The following WBP1L variants were observed in gnomAD, a reference collection of about 807,000 sequenced individuals.
WBP1L encodes WW domain binding protein 1-like.
WBP1L carries 17 observed loss-of-function variants against 33.7 expected under a neutral mutation model. The observed-to-expected ratio is 0.50, with a 90% CI of 0.34 to 0.76. The LOEUF is 0.76. WBP1L is among the 30% of genes least tolerant of loss of function. WBP1L has a pLI of 0.01. For missense variants in WBP1L, 389 were observed against 469.4 expected, an observed-to-expected ratio of 0.83 and a Z score of 1.58; for synonymous variants, 173 against 190.8, an observed-to-expected ratio of 0.91 and a Z score of 0.77.
chr10:102,770,192 T>C (rs1043452402), intron 1 of WBP1L, among the ~76,000 whole-genome samples: 6 of 152,228 alleles, frequency 3.9e-5, no homozygotes, highest in Non-Finnish European at 7.3e-5. Context: ...GATGTCTCAG[T>C]TTAACTTTTG....
intron 1 of WBP1L, among the ~76,000 whole-genome samples, chr10:102,785,156 G>T (rs1704848709): frequency 6.6e-6 from 1 of 150,558 alleles, no homozygotes; most frequent in African/African-American, 2.4e-5. Flanking sequence ...TTACAGGCGT[G>T]AGCCACTGCG....
intron 1 of WBP1L, among the ~76,000 whole-genome samples, chr10:102,756,943 A>G (rs528326444): frequency 1.3e-5 from 2 of 152,086 alleles, no homozygotes; most frequent in African/African-American, 4.8e-5. Context: ...GCTGGAGTGC[A>G]GTGGCACAAT....
intron 1 of WBP1L, among the ~76,000 whole-genome samples, chr10:102,775,905 T>A (rs1843254903): frequency 6.6e-6 from 1 of 152,130 alleles, no homozygotes; most frequent in Admixed American, 6.6e-5. Flanking sequence ...TGTTTTCAGC[T>A]TTAGAGACTT....
At chr10:102,759,182 G>C (rs1473594451) in intron 1 of WBP1L, among the ~76,000 whole-genome samples, 2 of 152,024 alleles carry the variant, frequency 1.3e-5, no homozygotes, top group African/African-American at 2.4e-5. Flanking sequence ...GCTAAGTAAC[G>C]GGTGCCTTCC....
At chr10:102,774,851 T>A (rs1239653469) in intron 1 of WBP1L, among the ~76,000 whole-genome samples, 2 of 152,080 alleles carry the variant, frequency 1.3e-5, no homozygotes, top group Admixed American at 6.6e-5. Flanking sequence ...GAAAAGTAAC[T>A]TTTTGTAATC....
chr10:102,749,094 C>T (rs1842898123), intron 1 of WBP1L, among the ~76,000 whole-genome samples: 1 of 152,134 alleles, frequency 6.6e-6, no homozygotes, highest in Admixed American at 6.5e-5. Context: ...TCTAAGGCTG[C>T]ACCATCCAGT....
Position 102,757,569 on chromosome 10 carries a change from C to CTTTTTT in WBP1L, c.90+13444_90+13449dup, listed in dbSNP as rs60213859. 6.6e-3 allele frequency among the ~76,000 whole-genome samples: 583 copies of CTTTTTT among 88,782 alleles called. 4 individuals are homozygous for CTTTTTT. Among genetic ancestry groups the CTTTTTT allele is most frequent in the African/African-American group, 0.013 (273 of 21,806 alleles). 58.2% of individuals were successfully genotyped at this position (88,782 alleles called of 152,430 possible). ...TCTCAGGGGAAGATGGTTTCTGAGC[C>CTTTTTT]TTTTTTTTTTTTTTTTTTTTTTTGT... On this transcript the variant is annotated intron_variant, in intron 1 of 3. Coordinates refer to ENST00000448841, the MANE Select transcript of WBP1L (RefSeq NM_001083913.2).
At chr10:102,753,441 G>C (rs1842943384) in intron 1 of WBP1L, among the ~76,000 whole-genome samples, 2 of 152,188 alleles carry the variant, frequency 1.3e-5, no homozygotes, top group Admixed American at 6.5e-5. Context: ...CAAGAAGGGG[G>C]AAACAAATCC....
At chr10:102,773,869 A>C (rs951498572) in intron 1 of WBP1L, among the ~76,000 whole-genome samples, 23 of 152,048 alleles carry the variant, frequency 1.5e-4, no homozygotes, top group Non-Finnish European at 4.4e-5. Context: ...CAAAACAAAA[A>C]AAAAAAAGGA....
chr10:102,785,205 CAG>C (rs1169758260), intron 1 of WBP1L, among the ~76,000 whole-genome samples: 2 of 100,926 alleles, frequency 2.0e-5, no homozygotes, highest in African/African-American at 3.8e-5. Flanking sequence ...TTTTTTGAGA[CAG>C]AGTTTCGATC....
intron 3 of WBP1L, among the ~76,000 whole-genome samples, chr10:102,811,128 C>G (rs949506176): frequency 6.6e-6 from 1 of 151,964 alleles, no homozygotes; most frequent in African/African-American, 2.4e-5. Context: ...AATTGTGGGC[C>G]GGGCTCAGTG....
intron 2 of WBP1L, among the ~76,000 whole-genome samples, chr10:102,804,366 T>G (rs1159652953): frequency 7.7e-6 from 1 of 129,394 alleles, no homozygotes; most frequent in Non-Finnish European, 1.6e-5. Flanking sequence ...CCAGCCTGGG[T>G]GACAGAGCAA....
chr10:102,799,596 C>T (rs755486754), intron 2 of WBP1L, among the ~76,000 whole-genome samples: 5 of 152,090 alleles, frequency 3.3e-5, no homozygotes, highest in Admixed American at 6.6e-5. Flanking sequence ...CTGACATTGC[C>T]GTAGTTCTTA....
chr10:102,764,294 T>G (rs1843081586), intron 1 of WBP1L, among the ~76,000 whole-genome samples: 1 of 152,194 alleles, frequency 6.6e-6, no homozygotes. Flanking sequence ...AACAACAACA[T>G]TAGCTTTTCT....
At chr10:102,746,819 C>G (rs1042689469) in intron 1 of WBP1L, among the ~76,000 whole-genome samples, 4 of 151,090 alleles carry the variant, frequency 2.6e-5, no homozygotes, top group Non-Finnish European at 5.9e-5. Context: ...CAAAATTGAT[C>G]TACTTACAAT....
chr10:102,783,008 T>C (rs1022276639), intron 1 of WBP1L, among the ~76,000 whole-genome samples: 4 of 152,160 alleles, frequency 2.6e-5, no homozygotes, highest in African/African-American at 9.7e-5. Context: ...TACTGTCCAA[T>C]TGATCTTGTG....
chr10:102,753,961 T>G (rs1408819881), intron 1 of WBP1L, among the ~76,000 whole-genome samples: 1 of 152,248 alleles, frequency 6.6e-6, no homozygotes, highest in Non-Finnish European at 1.5e-5. Context: ...TATTCGTATT[T>G]TTCAAAATTC....
At chr10:102,778,166 A>G (rs956363468) in intron 1 of WBP1L, among the ~76,000 whole-genome samples, 7 of 152,256 alleles carry the variant, frequency 4.6e-5, no homozygotes, top group African/African-American at 1.4e-4. Context: ...GAGAGTAGAC[A>G]TAACTCTTAC....
At chr10:102,776,863 GTTC>G (rs1457077461) in intron 1 of WBP1L, among the ~76,000 whole-genome samples, 3 of 152,170 alleles carry the variant, frequency 2.0e-5, no homozygotes, top group South Asian at 4.1e-4. Flanking sequence ...TGAGGGCTCC[GTTC>G]TTCTTTTAAA....
Sources: allele counts gnomAD v4.1 joint callset (sites outside exome capture counted in the v4.1 genomes callset), GRCh38; gene constraint gnomAD v4.1.1; transcripts MANE v1.5; gene names NCBI Gene and HGNC (gene_info 2026-07-23, HGNC 2026-07-21).